Variants in PRKAB2 observed in about 807,000 individuals in gnomAD.
The protein encoded by PRKAB2 is 5'-AMP-activated protein kinase subunit beta-2.
Under a neutral mutation model 29.8 loss-of-function variants are expected in PRKAB2, and 18 were observed. The ratio of observed to expected loss-of-function variants is 0.60; its 90% CI spans 0.42 to 0.89. The LOEUF (loss-of-function observed/expected upper bound fraction) is 0.89, where lower values mean the gene tolerates loss of function less well. PRKAB2 is among the 40% of genes least tolerant of loss of function. The pLI, the probability that PRKAB2 is intolerant of heterozygous loss-of-function variation, is 0.00. For synonymous variants in PRKAB2, 136 were observed against 125.9 expected, an observed-to-expected ratio of 1.08 and a Z score of -0.54; for missense variants, 270 against 344.3, an observed-to-expected ratio of 0.78 and a Z score of 1.71.
Position 147,166,553 on chromosome 1 carries a change from C to T in PRKAB2, c.483G>A (p.Glu161=). 1.2e-6 allele frequency: 2 copies of T among 1,614,026 alleles called. No individual in the cohort carries two copies. Among genetic ancestry groups the T allele is most frequent in the Non-Finnish European group, 1.7e-6 (2 of 1,179,918 alleles). The part of the protein sequence containing the change: ...NLIHVKKSDF[E]VFDALKLDSM... ...AATCTAACTTTAAAGCATCGAACAC[C>T]TCAAAATCAGATTTCTTGACATGGA... is the stretch of plus-strand genomic sequence containing the variant. Residue 161 remains glutamate (E), a synonymous_variant, in exon 5 of 8, where the codon GAG becomes GAA. Transcript: ENST00000254101.
At position 147,162,447 on chromosome 1, in the gene PRKAB2, T is replaced by TTAG. The variant is rs1654017384; in HGVS notation, c.662_664dup (p.Thr221dup). The TTAG allele has an allele frequency of 6.2e-7, 1 of 1,612,152 alleles. No individual in the cohort carries two copies. The highest frequency in any genetic ancestry group is 1.7e-5 in the Admixed American group (1 of 59,890). ...AATACTCAGGATACTCACAGAAATA[T>TTAG]TAGTGTCTTTGTTAAGAATAACTTG... On this transcript the variant is annotated inframe_insertion, in exon 6 of 8. Transcript: ENST00000254101.
At chr1:147,167,666 G>T in intron 3 of PRKAB2, 101 bp downstream of exon 3, 2 of 1,381,670 alleles carry the variant, frequency 1.4e-6, no homozygotes, top group Non-Finnish European at 9.9e-7. Context: ...TCTAGAGACA[G>T]TCCTTAGTAG....
In PRKAB2 at chr1:147,156,508, A is replaced by G. The variant is rs1653681229; in HGVS notation, c.*3057T>C. 1 of 152,200 alleles carries G rather than the reference A, an allele frequency of 6.6e-6. No individual in the cohort carries two copies. The highest frequency in any genetic ancestry group is 1.5e-5 in the Non-Finnish European group (1 of 68,022). The allele number at this position is 152,200 out of a possible 1,614,324, so 9.4% of individuals were successfully genotyped here. On this transcript the variant is annotated 3_prime_UTR_variant, in exon 8 of 8. Transcript: ENST00000254101. ...GTGGGCCTGGGTTTGTAGGATCCTCACAAACTTCTCTTGGATTCTTCTTTT... is the reference window on the plus strand; with the variant it reads ...GTGGGCCTGGGTTTGTAGGATCCTCGCAAACTTCTCTTGGATTCTTCTTTT...
chr1:147,161,847 C>T (rs1449478165), intron 6 of PRKAB2, 67 bp from the exon 7 acceptor site: 38 of 1,280,338 alleles, frequency 3.0e-5, no homozygotes, highest in Non-Finnish European at 3.9e-5. Flanking sequence ...ACAAACCAAA[C>T]AGCTTACTCT....
At chr1:147,161,507 G>A (rs1553913072) in intron 7 of PRKAB2, among the ~76,000 whole-genome samples, 1 of 152,010 alleles carries the variant, frequency 6.6e-6, no homozygotes, top group Admixed American at 6.6e-5. Context: ...CCTATCAGAG[G>A]GCAATTCAGC....
At chr1:147,167,976 A>T in intron 2 of PRKAB2, 43 bp from the exon 3 acceptor site, 5 of 1,567,248 alleles carry the variant, frequency 3.2e-6, no homozygotes, top group Non-Finnish European at 3.5e-6. Context: ...ACTGTGACCC[A>T]AGAATTCTAA....
chr1:147,157,735 G>A lies in PRKAB2; in HGVS notation c.*1830C>T, dbSNP rs1428016420. 6.6e-6 allele frequency: 1 copy of A among 152,112 alleles called. No individual in the cohort carries two copies. The highest frequency in any genetic ancestry group is 6.6e-5 in the Admixed American group (1 of 15,262). 9.4% of individuals were successfully genotyped at this position (152,112 alleles called of 1,614,324 possible). On this transcript the variant is annotated 3_prime_UTR_variant, in exon 8 of 8. Coordinates refer to ENST00000254101, the MANE Select transcript of PRKAB2 (RefSeq NM_005399.5). ...CTGAGAGTTGGTTATAATAGGATCT[G>A]GCCTGGATTTTTAAATGGCACACCA...
Position 147,165,469 on chromosome 1 carries a change from G to C in PRKAB2, c.538+1029C>G, listed in dbSNP as rs149485361. 7.3e-3 allele frequency among the ~76,000 whole-genome samples: 1,112 copies of C among 152,346 alleles called. 4 individuals carry two copies. The highest frequency in any genetic ancestry group is 0.024 in the Middle Eastern group (7 of 294). On this transcript the variant is annotated intron_variant, in intron 5 of 7. Coordinates refer to ENST00000254101, the MANE Select transcript of PRKAB2 (RefSeq NM_005399.5). ...CTGTGAAGAAACTCAGAACGAAAAA[G>C]GTTGAGAGATTTGTTCATGATGGCA...
chr1:147,166,927 A>G lies in PRKAB2; in HGVS notation c.336T>C (p.Phe112=). 6.2e-7 allele frequency: 1 copy of G among 1,613,746 alleles called. No individual in the cohort carries two copies. Among genetic ancestry groups the G allele is most frequent in the East Asian group, 2.2e-5 (1 of 44,872 alleles). ...KIPLIKSHND[F]VAILDLPEGE... ...CCTCAGGGAGGTCCAGGATGGCAAC[A>G]AAGTCATTATGGCTACAGAAGAAAA... The change falls in exon 4 of 8, where the codon TTT becomes TTC. Residue 112 remains phenylalanine, a synonymous_variant. Coordinates refer to ENST00000254101, the MANE Select transcript of PRKAB2 (RefSeq NM_005399.5).
chr1:147,167,008 G>T, intron 3 of PRKAB2, 69 bp from the exon 4 acceptor site: 2 of 1,275,516 alleles, frequency 1.6e-6, no homozygotes. Context: ...AAAACAAGTG[G>T]CAATCATAGT....
chr1:147,166,578 A>T lies in PRKAB2; in HGVS notation c.458T>A (p.Ile153Asn). The change falls in exon 5 of 8, where the codon ATC (isoleucine) becomes AAC (asparagine). Residue 153 changes from isoleucine (I) to asparagine (N), a missense_variant. By Grantham distance (149) the Ile-to-Asn change is moderately radical. Around this residue, in one of 2 missense-constraint regions of PRKAB2, gnomAD observed 228 missense variants for 255.5 expected, o/e 0.89. Transcript: ENST00000254101. Reference sequence around the variant, plus strand: ...CTCAAAATCAGATTTCTTGACATGGATCAAATTGTTAATTGTGCCAAGCTG... The same window carrying T: ...CTCAAAATCAGATTTCTTGACATGGTTCAAATTGTTAATTGTGCCAAGCTG... ...TSQLGTINNL[I>N]HVKKSDFEVF... 1 of 1,614,152 alleles carries T rather than the reference A, an allele frequency of 6.2e-7. No homozygotes were observed. Among genetic ancestry groups the T allele is most frequent in the Non-Finnish European group, 8.5e-7 (1 of 1,179,984 alleles).
rs587642618 is a variant in PRKAB2, at chr1:147,160,046, C to T, written c.742-404G>A. On this transcript the variant is annotated intron_variant, in intron 7 of 7. Coordinates refer to ENST00000254101, the MANE Select transcript of PRKAB2 (RefSeq NM_005399.5). Reference sequence around the variant, plus strand: ...AACAAAAAAGAACAAAATATTCTGGCATCCATTTCTAGAAGAAAGTCTTAA... The same window carrying T: ...AACAAAAAAGAACAAAATATTCTGGTATCCATTTCTAGAAGAAAGTCTTAA... Among the ~76,000 whole-genome samples the T allele has an allele frequency of 9.3e-4, 141 of 152,216 alleles. 3 individuals are homozygous for T. In the South Asian group the frequency reaches 0.028, roughly 30 times the overall value.
chr1:147,159,249 T>C lies in PRKAB2; in HGVS notation c.*316A>G, dbSNP rs972938652. ...TCATTTTAGGAAAAATCTTCCTATATAGTTATTCCTGCAGCGCCCCCAAAC... is the reference window on the plus strand; with the variant it reads ...TCATTTTAGGAAAAATCTTCCTATACAGTTATTCCTGCAGCGCCCCCAAAC... On this transcript the variant is annotated 3_prime_UTR_variant, in exon 8 of 8. Coordinates refer to ENST00000254101, the MANE Select transcript of PRKAB2 (RefSeq NM_005399.5). 4 of 288,940 alleles carry C rather than the reference T, an allele frequency of 1.4e-5. No homozygotes were observed. The highest frequency in any genetic ancestry group is 9.2e-5 in the Admixed American group (2 of 21,660). 17.9% of individuals were successfully genotyped at this position (288,940 alleles called of 1,614,324 possible). A position where few individuals can be genotyped will look rare whatever the true frequency, so the allele number is the denominator to read the frequency against.
rs200836004 is a variant in PRKAB2 at position 147,157,823 on chromosome 1, C to T, written c.*1742G>A. The T allele has an allele frequency of 4.5e-5, 2 of 44,142 alleles. No individual in the cohort carries two copies. Among genetic ancestry groups the T allele is most frequent in the Admixed American group, 5.7e-4 (2 of 3,506 alleles). The allele number at this position is 44,142 out of a possible 1,614,324, so 2.7% of individuals were successfully genotyped here. On this transcript the variant is annotated 3_prime_UTR_variant, in exon 8 of 8. Transcript: ENST00000254101. ...AAAGCCTTTTGCTGCAGAAGGTGGCCTTGGATGGCTAAAGTAGTATTTACT... is the reference window on the plus strand; with the variant it reads ...AAAGCCTTTTGCTGCAGAAGGTGGCTTTGGATGGCTAAAGTAGTATTTACT...
At chr1:147,167,676 G>A (rs1654317838) in intron 3 of PRKAB2, 91 bp downstream of exon 3, 7 of 1,435,852 alleles carry the variant, frequency 4.9e-6, no homozygotes, top group Non-Finnish European at 6.6e-6. Flanking sequence ...GTCCTTAGTA[G>A]GTGGAGAAAA....
At chr1:147,171,593 G>T (rs1654592908) in intron 2 of PRKAB2, among the ~76,000 whole-genome samples, 1 of 152,194 alleles carries the variant, frequency 6.6e-6, no homozygotes, top group Admixed American at 6.5e-5. Context: ...TCAGGGCAAA[G>T]GTGAGAAACT....
In PRKAB2 at chr1:147,156,549, C is replaced by A. The variant is rs904780624; in HGVS notation, c.*3016G>T. 6 of 152,132 alleles carry A rather than the reference C, an allele frequency of 3.9e-5. No individual in the cohort carries two copies. Among genetic ancestry groups the A allele is most frequent in the African/African-American group, 1.4e-4 (6 of 41,436 alleles). 9.4% of individuals were successfully genotyped at this position (152,132 alleles called of 1,614,324 possible). ...TTCTTCTTTTACAAAGTTTCTCTAC[C>A]ATACAAACATACGTTTTAAAAGCCA... is the stretch of plus-strand genomic sequence containing the variant. On this transcript the variant is annotated 3_prime_UTR_variant, in exon 8 of 8. Transcript: ENST00000254101.
rs1379970361 is a variant in PRKAB2, at chr1:147,156,581, T to C, written c.*2984A>G. ...ACATACGTTTTAAAAGCCAACACTA[T>C]TGAGGTTAGGTATGCCCTTCAGGGG... On this transcript the variant is annotated 3_prime_UTR_variant, in exon 8 of 8. Transcript: ENST00000254101. The C allele has an allele frequency of 5.9e-5, 9 of 152,238 alleles. No individual in the cohort carries two copies. Among genetic ancestry groups the C allele is most frequent in the African/African-American group, 1.2e-4 (5 of 41,550 alleles). The allele number at this position is 152,238 out of a possible 1,614,324, so 9.4% of individuals were successfully genotyped here. A position where few individuals can be genotyped will look rare whatever the true frequency, so the allele number is the denominator to read the frequency against.
At chr1:147,172,214 T>G in intron 1 of PRKAB2, 47 bp from the exon 2 acceptor site, 1 of 1,458,502 alleles carries the variant, frequency 6.9e-7, no homozygotes, top group East Asian at 2.5e-5. Context: ...AGCCGCCGCG[T>G]CAGGGGCGCC....
Sources: gnomAD v4.1 joint callset for allele counts (sites outside exome capture counted in the v4.1 genomes callset) on GRCh38, gnomAD v4.1.1 for gene constraint, gnomAD v4.1.1 regional missense constraint, MANE v1.5 for transcripts, NCBI Gene and HGNC (gene_info 2026-07-23, HGNC 2026-07-21) for gene names.